SCFD2: variants seen among roughly 807,000 people sequenced by gnomAD.
The protein encoded by SCFD2 is sec1 family domain containing 2, also known as sec1 family domain-containing protein 2.
In SCFD2, 54 loss-of-function variants were observed where a neutral mutation model predicts 58.9. The ratio of observed to expected loss-of-function variants is 0.92; its 90% confidence interval spans 0.74 to 1.15. The LOEUF (loss-of-function observed/expected upper bound fraction) is 1.15. Among genes scored for constraint, SCFD2 ranks in the 50% most tolerant of loss-of-function variants. The probability of loss-of-function intolerance (pLI) is 0.00; values close to 1 mark genes in which losing one functional copy is unlikely to be tolerated. For synonymous variants in SCFD2, 321 were observed against 335.9 expected, an observed-to-expected ratio of 0.96 and a Z score of 0.49; for missense variants, 805 against 836.6, an observed-to-expected ratio of 0.96 and a Z score of 0.47.
chr4:52,974,932 T>C (rs1205045334), intron 5 of SCFD2, among the ~76,000 whole-genome samples: 1 of 152,212 alleles, frequency 6.6e-6, no homozygotes, highest in Non-Finnish European at 1.5e-5. Flanking sequence ...CGATTCCCTA[T>C]TTAATAAATG....
At chr4:52,937,400 G>GCCT (rs1720166423) in intron 5 of SCFD2, among the ~76,000 whole-genome samples, 1 of 152,126 alleles carries the variant, frequency 6.6e-6, no homozygotes, top group East Asian at 1.9e-4. Context: ...TGGAAAGGAA[G>GCCT]GCACATTCAC....
intron 5 of SCFD2, among the ~76,000 whole-genome samples, chr4:53,134,375 A>C (rs1368333859): frequency 6.6e-6 from 1 of 152,246 alleles, no homozygotes; most frequent in African/African-American, 2.4e-5. Context: ...ATTTAAAAAA[A>C]AAACAGTGCT....
chr4:53,077,383 A>G (rs901366373), intron 5 of SCFD2, among the ~76,000 whole-genome samples: 2 of 152,178 alleles, frequency 1.3e-5, no homozygotes, highest in African/African-American at 4.8e-5. Flanking sequence ...ATGCTCAATC[A>G]TCTTTACTGT....
At chr4:53,258,881 C>T (rs1436762999) in intron 4 of SCFD2, among the ~76,000 whole-genome samples, 1 of 151,876 alleles carries the variant, frequency 6.6e-6, no homozygotes, top group East Asian at 1.9e-4. Context: ...ACATCCACAC[C>T]AATATCTATT....
chr4:53,102,187 G>T (rs1724850241), intron 5 of SCFD2, among the ~76,000 whole-genome samples: 1 of 152,196 alleles, frequency 6.6e-6, no homozygotes, highest in Non-Finnish European at 1.5e-5. Context: ...AATAAGTGCT[G>T]TTGGGACAAT....
intron 5 of SCFD2, among the ~76,000 whole-genome samples, chr4:52,973,806 A>T (rs1461968799): frequency 1.3e-5 from 2 of 152,240 alleles, no homozygotes; most frequent in Non-Finnish European, 2.9e-5. Flanking sequence ...AGCACATCAA[A>T]AAGCTTATCC....
intron 5 of SCFD2, among the ~76,000 whole-genome samples, chr4:52,945,912 G>A (rs770508162): frequency 1.3e-5 from 2 of 151,800 alleles, no homozygotes; most frequent in South Asian, 2.1e-4. Context: ...TTTATACATC[G>A]AACATTTTGG....
chr4:53,256,884 G>C (rs1730656980), intron 4 of SCFD2, among the ~76,000 whole-genome samples: 1 of 135,652 alleles, frequency 7.4e-6, no homozygotes, highest in Admixed American at 7.4e-5. Flanking sequence ...ACCGTGGGGA[G>C]AGGGAGAGGG....
chr4:53,098,176 T>C (rs1337810548), intron 5 of SCFD2, among the ~76,000 whole-genome samples: 1 of 152,220 alleles, frequency 6.6e-6, no homozygotes, highest in East Asian at 1.9e-4. Context: ...TCTAAAATTC[T>C]CTTTTTTTGT....
chr4:52,882,326 GA>G (rs1718636673), intron 8 of SCFD2, among the ~76,000 whole-genome samples: 1 of 152,196 alleles, frequency 6.6e-6, no homozygotes, highest in Admixed American at 6.5e-5. Context: ...ACAAGAGCTA[GA>G]ACCAGCACTG....
intron 5 of SCFD2, among the ~76,000 whole-genome samples, chr4:53,124,767 C>T (rs1725577266): frequency 6.6e-6 from 1 of 152,160 alleles, no homozygotes; most frequent in Admixed American, 6.6e-5. Flanking sequence ...AAGTGAAGAG[C>T]ATCATAAAAA....
intron 4 of SCFD2, among the ~76,000 whole-genome samples, chr4:53,152,919 T>C (rs1726554989): frequency 1.3e-5 from 2 of 152,326 alleles, no homozygotes; most frequent in South Asian, 4.1e-4. Flanking sequence ...AAAAAATCTT[T>C]GACTCTATGT....
In SCFD2 at chr4:53,308,106, C is replaced by T. The variant is rs114691216; in HGVS notation, c.1135+5530G>A. Reference sequence around the variant, plus strand: ...GGCACAGTAATCCTGGAAAAGAAACCTCAGCTTTGTGGTCTCAGTTTTCCT... The same window carrying T: ...GGCACAGTAATCCTGGAAAAGAAACTTCAGCTTTGTGGTCTCAGTTTTCCT... On this transcript the variant is annotated intron_variant, in intron 3 of 8. Coordinates refer to ENST00000401642, the MANE Select transcript of SCFD2 (RefSeq NM_152540.4). Among the ~76,000 whole-genome samples, 705 of 152,252 alleles carry T rather than the reference C, an allele frequency of 4.6e-3. 8 individuals are homozygous for T. The highest frequency in any genetic ancestry group is 0.016 in the African/African-American group (673 of 41,548).
chr4:53,061,838 C>G (rs1723521758), intron 5 of SCFD2, among the ~76,000 whole-genome samples: 1 of 151,972 alleles, frequency 6.6e-6, no homozygotes, highest in Non-Finnish European at 1.5e-5. Flanking sequence ...CTTAATCAGT[C>G]CTCCTTCAGC....
chr4:52,939,171 C>A (rs1158495035), intron 5 of SCFD2, among the ~76,000 whole-genome samples: 1 of 152,098 alleles, frequency 6.6e-6, no homozygotes, highest in Non-Finnish European at 1.5e-5. Flanking sequence ...CAAATGCCAA[C>A]CCTCCACAGT....
intron 5 of SCFD2, among the ~76,000 whole-genome samples, chr4:53,139,573 C>A (rs181535852): frequency 0.081 from 12,135 of 150,558 alleles, 708 homozygotes; most frequent in East Asian, 0.24. Flanking sequence ...CCGGCAGCCG[C>A]CCCGTCCGGG....
At chr4:53,205,383 T>C (rs988965841) in intron 4 of SCFD2, among the ~76,000 whole-genome samples, 2 of 151,594 alleles carry the variant, frequency 1.3e-5, no homozygotes, top group African/African-American at 2.4e-5. Flanking sequence ...ACTGACTCCA[T>C]CCCAGGAAAA....
intron 4 of SCFD2, among the ~76,000 whole-genome samples, chr4:53,256,249 G>A (rs181657723): frequency 0.011 from 1,305 of 122,438 alleles, 20 homozygotes; most frequent in African/African-American, 0.038. Flanking sequence ...CTTCTCAGAC[G>A]GGGCAGCCGG....
intron 4 of SCFD2, among the ~76,000 whole-genome samples, chr4:53,257,108 A>AAC (rs56129853): frequency 0.57 from 85,609 of 150,310 alleles, 24,538 homozygotes; most frequent in Middle Eastern, 0.63. Flanking sequence ...CTAAAAGTGT[A>AAC]ACACACACAC....
Sources: gnomAD v4.1 joint callset for allele counts (sites outside exome capture counted in the v4.1 genomes callset) on GRCh38, gnomAD v4.1.1 for gene constraint, MANE v1.5 for transcripts, NCBI Gene and HGNC (gene_info 2026-07-23, HGNC 2026-07-21) for gene names.